Variants in PMEL observed in about 807,000 individuals in gnomAD.
The protein encoded by PMEL is premelanosome protein.
In PMEL, 53 loss-of-function variants were observed where a neutral mutation model predicts 64.9. That is an observed-to-expected ratio of 0.82 (90% CI 0.66 to 1.03). PMEL has a LOEUF of 1.03. Among genes scored for constraint, PMEL ranks in the 50% least tolerant of loss-of-function variants. PMEL has a pLI of 0.00. For synonymous variants in PMEL, 299 were observed against 316.2 expected, an observed-to-expected ratio of 0.95 and a Z score of 0.58; for missense variants, 716 against 814.9, an observed-to-expected ratio of 0.88 and a Z score of 1.48.
intron 6 of PMEL, 37 bp downstream of exon 6, chr12:55,956,912 C>A (rs764442761): frequency 6.3e-7 from 1 of 1,596,444 alleles, no homozygotes; most frequent in Non-Finnish European, 8.6e-7. Context: ...GTAGGGTACC[C>A]CACCTCCGTG....
Position 55,958,630 on chromosome 12 carries a change from C to T in PMEL, c.335-23G>A, listed in dbSNP as rs1474805357. On this transcript the variant is annotated intron_variant, in intron 3 of 10. Coordinates refer to ENST00000548747, the MANE Select transcript of PMEL (RefSeq NM_001384361.1). Reference sequence around the variant, plus strand: ...TCCCTGAAAGATAAATACAGAGTCACTCTCAAACCCTGGCATTCTTTTTTG... The same window carrying T: ...TCCCTGAAAGATAAATACAGAGTCATTCTCAAACCCTGGCATTCTTTTTTG... 21 of 1,603,116 alleles carry T rather than the reference C, an allele frequency of 1.3e-5. 1 individual carries two copies. The highest frequency in any genetic ancestry group is 5.6e-5 in the South Asian group (5 of 89,656).
chr12:55,961,549 C>T (rs764487532), intron 2 of PMEL, 73 bp downstream of exon 2: 4 of 1,588,710 alleles, frequency 2.5e-6, no homozygotes, highest in East Asian at 4.5e-5. Context: ...AAGCTACACT[C>T]GATGCAGTTC....
chr12:55,954,439 A>C (rs1888758789), intron 10 of PMEL, 90 bp from the exon 11 acceptor site: 2 of 1,369,634 alleles, frequency 1.5e-6, no homozygotes, highest in Non-Finnish European at 2.1e-6. Flanking sequence ...CCCATATCCC[A>C]GTCTGCTTAG....
chr12:55,957,053 T>A lies in PMEL; in HGVS notation c.1250A>T (p.Gln417Leu), dbSNP rs747764929. The change falls in exon 6 of 11, where the codon CAG (glutamine) becomes CTG (leucine). Residue 417 changes from glutamine (Q) to leucine (L), a missense_variant. Physicochemically the swap from Gln to Leu is moderately radical, Grantham distance 113. Coordinates refer to ENST00000548747, the MANE Select transcript of PMEL (RefSeq NM_001384361.1). ...CTCCACCCACTCTGTAGTTGTTACC[T>A]GTGCAGCTGTGGTTCCAGAAAGCAC... Reference protein sequence around the residue: ...IVVLSGTTAAQVTTTEWVETT... With the variant: ...IVVLSGTTAALVTTTEWVETT... The A allele has an allele frequency of 1.2e-6, 2 of 1,614,258 alleles. No homozygotes were observed. The highest frequency in any genetic ancestry group is 2.2e-5 in the East Asian group (1 of 44,892).
upstream of PMEL, chr12:55,966,148 G>T: frequency 7.3e-7 from 1 of 1,376,754 alleles, no homozygotes. Context: ...AGAGGAAAAA[G>T]GAAAAACTGA....
In PMEL at chr12:55,958,006, G is replaced by A. The variant is rs147576105; in HGVS notation, c.548C>T (p.Thr183Ile). The part of the protein sequence containing the change: ...GTGRAMLGTH[T>I]MEVTVYHRRG... Reference sequence around the variant, plus strand: ...GCGATGGTAGACAGTCACTTCCATGGTGTGTGTGCCCAGCATTGCCCTGCC... The same window carrying A: ...GCGATGGTAGACAGTCACTTCCATGATGTGTGTGCCCAGCATTGCCCTGCC... Residue 183 changes from threonine (T) to isoleucine (I), a missense_variant, in exon 5 of 11, where the codon ACC (threonine) becomes ATC (isoleucine). Transcript: ENST00000548747. 1.5e-4 allele frequency: 242 copies of A among 1,614,046 alleles called. No homozygotes were observed. Among genetic ancestry groups the A allele is most frequent in the Non-Finnish European group, 1.9e-4 (225 of 1,180,004 alleles).
chr12:55,955,510 A>G lies in PMEL; in HGVS notation c.1716T>C (p.Ala572=). 6.2e-7 allele frequency: 1 copy of G among 1,614,192 alleles called. No homozygotes were observed. The highest frequency in any genetic ancestry group is 8.5e-7 in the Non-Finnish European group (1 of 1,180,036). ...SGTYCLNVSL[A]DTNSLAVVST... ...TGACCACTGCCAGGCTGTTGGTATC[A>G]GCCAGAGACACATTGAGGCAGTATG... is the stretch of plus-strand genomic sequence containing the variant. The change falls in exon 9 of 11, where the codon GCT becomes GCC. Residue 572 remains alanine, a synonymous_variant. Coordinates refer to ENST00000548747, the MANE Select transcript of PMEL (RefSeq NM_001384361.1).
chr12:55,957,559 A>G lies in PMEL; in HGVS notation c.744T>C (p.Ser248=). Residue 248 remains serine (S), a synonymous_variant, in exon 6 of 11, where the codon AGT becomes AGC. Transcript: ENST00000548747. ...LTFALQLHDP[S]GYLAEADLSY... ...AGAGGTCAGCTTCAGCCAGATAGCC[A>G]CTGGGGTCATGGAGCTGGAGGGCAA... is the stretch of plus-strand genomic sequence containing the variant. 6.2e-7 allele frequency: 1 copy of G among 1,613,912 alleles called. No individual in the cohort carries two copies. The highest frequency in any genetic ancestry group is 8.5e-7 in the Non-Finnish European group (1 of 1,179,976).
upstream of PMEL, chr12:55,966,078 G>T: frequency 1.9e-6 from 3 of 1,612,784 alleles, no homozygotes; most frequent in Non-Finnish European, 2.5e-6. Context: ...TAAGAAAAGG[G>T]TGCTCATTTG....
intron 10 of PMEL, 48 bp downstream of exon 10, chr12:55,955,226 G>T: frequency 7.6e-7 from 1 of 1,316,890 alleles, no homozygotes; most frequent in Non-Finnish European, 1.1e-6. Flanking sequence ...AAAGTGAGTA[G>T]TGATAATAAG....
chr12:55,965,531 C>T (rs1889266756), intron 1 of PMEL, among the ~76,000 whole-genome samples: 1 of 152,084 alleles, frequency 6.6e-6, no homozygotes, highest in South Asian at 2.1e-4. Context: ...CACCCGTACC[C>T]ATCCCAAGAG....
intron 1 of PMEL, among the ~76,000 whole-genome samples, chr12:55,964,964 G>A (rs1889238730): frequency 7.1e-6 from 1 of 140,422 alleles, no homozygotes; most frequent in Non-Finnish European, 1.5e-5. Flanking sequence ...GACTCGCTCT[G>A]TCACCCAGGC....
In PMEL at chr12:55,961,319, T is replaced by C. The variant is rs773241850; in HGVS notation, c.332A>G (p.Asn111Ser). The C allele has an allele frequency of 1.2e-5, 20 of 1,614,020 alleles. No homozygotes were observed. Among genetic ancestry groups the C allele is most frequent in the Admixed American group, 1.7e-5 (1 of 60,016 alleles). The stretch of plus-strand genomic sequence containing the variant: ...ACCTAGAATAGAGAAGTACTCACCA[T>C]TGATGATGGTATTGTTGACCCAGAT... ...QVIWVNNTII[N>S]GSQVWGGQPV... is the part of the protein sequence containing the mutation. Residue 111 changes from asparagine to serine, a missense_variant and splice_region_variant, in exon 3 of 11, where the codon AAT becomes AGT. By Grantham distance (46) the Asn-to-Ser change is conservative (BLOSUM62 1). Transcript: ENST00000548747.
Position 55,961,423 on chromosome 12 carries a change from T to C in PMEL, c.228A>G (p.Thr76=). ...AGAAGGAGGCATTTGCACCAATCAG[T>C]GTAGGCCCATCATTACTGACCTTGA... ...VSLKVSNDGP[T]LIGANASFSI... The change falls in exon 3 of 11, where the codon ACA becomes ACG. Residue 76 remains threonine, a synonymous_variant. Transcript: ENST00000548747. 6.2e-7 allele frequency: 1 copy of C among 1,614,140 alleles called. No individual in the cohort carries two copies. Among genetic ancestry groups the C allele is most frequent in the East Asian group, 2.2e-5 (1 of 44,888 alleles).
Position 55,954,287 on chromosome 12 carries a change from A to C in PMEL, c.1913T>G (p.Leu638Arg). 1 of 1,614,062 alleles carries C rather than the reference A, an allele frequency of 6.2e-7. No individual in the cohort carries two copies. Among genetic ancestry groups the C allele is most frequent in the Non-Finnish European group, 8.5e-7 (1 of 1,179,912 alleles). ...AGAGCAGAAGATGCGGGGTAGACGC[A>C]GCCAGTGACTGCTGCTATGTGGCAA... is the stretch of plus-strand genomic sequence containing the variant. Reference protein sequence around the residue: ...PQLPHSSSHWLRLPRIFCSCP... With the variant: ...PQLPHSSSHWRRLPRIFCSCP... Residue 638 changes from leucine (L) to arginine (R), a missense_variant, in exon 11 of 11, where the codon CTG becomes CGG. Leu to Arg is a moderately radical substitution (Grantham distance 102). Coordinates refer to ENST00000548747, the MANE Select transcript of PMEL (RefSeq NM_001384361.1).
At chr12:55,965,782 G>T (rs948669900) in intron 1 of PMEL, among the ~76,000 whole-genome samples, 154 bp downstream of exon 1, 2 of 152,084 alleles carry the variant, frequency 1.3e-5, no homozygotes, top group African/African-American at 4.8e-5. Context: ...TCTCCATGTA[G>T]GGAGGGAGCC....
rs903888039 is a variant in PMEL at position 55,966,006 on chromosome 12, A to G, written c.6T>C (p.Asp2=). 5.0e-6 allele frequency: 8 copies of G among 1,614,058 alleles called. No homozygotes were observed. In the African/African-American group the frequency reaches 9.3e-5, roughly 19 times the overall value. The change falls in exon 1 of 11, where the codon GAT becomes GAC. Residue 2 remains aspartate, a synonymous_variant. Transcript: ENST00000548747. ...GAAGAAGGCATCTTTTTAGCACCAG[A>G]TCCATTGTGTTCTTCCCTCCAGCAA... M[D]LVLKRCLLHL...
chr12:55,958,153 C>T lies in PMEL; in HGVS notation c.470-69G>A, dbSNP rs3741502. 784 of 1,509,752 alleles carry T rather than the reference C, an allele frequency of 5.2e-4. 4 individuals carry two copies. In the African/African-American group the frequency reaches 7.8e-3, roughly 15 times the overall value. The allele number at this position is 1,509,752 out of a possible 1,614,324, so 93.5% of individuals were successfully genotyped here. On this transcript the variant is annotated intron_variant, in intron 4 of 10. Transcript: ENST00000548747. ...TCAAAGGGGACTGAGGGACAGGCTTCGAAACGGCACTGGAGATGGGAGGTC... is the reference window on the plus strand; with the variant it reads ...TCAAAGGGGACTGAGGGACAGGCTTTGAAACGGCACTGGAGATGGGAGGTC...
At chr12:55,966,226 T>C (rs969946446), upstream of PMEL, 6 of 691,592 alleles carry the variant, frequency 8.7e-6, no homozygotes, top group African/African-American at 1.8e-5. Context: ...CTGGTTTCAC[T>C]GGGTCACTCT....
Sources: allele counts gnomAD v4.1 joint callset (sites outside exome capture counted in the v4.1 genomes callset), GRCh38; gene constraint gnomAD v4.1.1; transcripts MANE v1.5; gene names NCBI Gene and HGNC (gene_info 2026-07-23, HGNC 2026-07-21).